HHAT: variants seen among roughly 807,000 people sequenced by gnomAD.
HHAT encodes the protein hedgehog acyltransferase, also known as protein-cysteine N-palmitoyltransferase HHAT.
A neutral mutation model predicts 70.8 loss-of-function variants in HHAT; 47 were observed. That is an observed-to-expected ratio of 0.66 (90% CI 0.53 to 0.85). The LOEUF is 0.85. Among genes scored for constraint, HHAT ranks in the 40% least tolerant of loss-of-function variants. HHAT has a pLI of 0.00. For missense variants in HHAT, 609 were observed against 604.8 expected (o/e 1.01, Z -0.07); for synonymous variants, 228 against 247.6 (o/e 0.92, Z 0.74).
chr1:210,362,244 T>C (rs2088415870), intron 2 of HHAT, among the ~76,000 whole-genome samples: 1 of 147,728 alleles, frequency 6.8e-6, no homozygotes, highest in Admixed American at 6.9e-5. Flanking sequence ...TTCTTTTTTT[T>C]TTTTTTCTTT....
chr1:210,666,830 C>T (rs1480538271), intron 11 of HHAT, among the ~76,000 whole-genome samples: 6 of 152,072 alleles, frequency 3.9e-5, no homozygotes, highest in Non-Finnish European at 5.9e-5. Flanking sequence ...CCGTGGCTCA[C>T]GCCTGTAATC....
chr1:210,401,280 A>C (rs1221638668), intron 5 of HHAT, among the ~76,000 whole-genome samples: 1 of 152,000 alleles, frequency 6.6e-6, no homozygotes, highest in East Asian at 1.9e-4. Context: ...TACCCAGTTA[A>C]TTTTTGTATT....
chr1:210,668,644 T>C (rs1041380228), intron 11 of HHAT, among the ~76,000 whole-genome samples: 1 of 152,256 alleles, frequency 6.6e-6, no homozygotes, highest in Non-Finnish European at 1.5e-5. Flanking sequence ...GTCTTGCATA[T>C]GTCTTTATTA....
At chr1:210,450,677 A>G (rs970106348) in intron 7 of HHAT, among the ~76,000 whole-genome samples, 7 of 151,656 alleles carry the variant, frequency 4.6e-5, no homozygotes, top group African/African-American at 1.5e-4. Context: ...ATGAATCTAC[A>G]TATTAAATAA....
chr1:210,449,055 C>T (rs898325889), intron 7 of HHAT, among the ~76,000 whole-genome samples: 1 of 119,196 alleles, frequency 8.4e-6, no homozygotes, highest in African/African-American at 2.9e-5. Flanking sequence ...GCATGACACA[C>T]ACAACCACCA....
intron 3 of HHAT, among the ~76,000 whole-genome samples, chr1:210,383,500 G>C (rs1342602731): frequency 6.6e-6 from 1 of 152,172 alleles, no homozygotes; most frequent in Non-Finnish European, 1.5e-5. Context: ...GGGATGAAGA[G>C]GTAGAGTACA....
intron 9 of HHAT, among the ~76,000 whole-genome samples, chr1:210,566,872 G>A (rs115650419): frequency 0.013 from 1,969 of 152,292 alleles, 54 homozygotes; most frequent in African/African-American, 0.046. Flanking sequence ...CCCTGCCCTT[G>A]CAAAAAGGAA....
At chr1:210,649,917 CAT>C (rs933805604) in intron 11 of HHAT, among the ~76,000 whole-genome samples, 9 of 152,236 alleles carry the variant, frequency 5.9e-5, no homozygotes, top group Non-Finnish European at 1.3e-4. Flanking sequence ...ATAGGCTACT[CAT>C]ATCATTTAGC....
intron 7 of HHAT, among the ~76,000 whole-genome samples, chr1:210,438,727 A>G (rs60392171): frequency 0.013 from 1,925 of 151,926 alleles, 87 homozygotes; most frequent in African/African-American, 0.043. Flanking sequence ...AAACTAGATT[A>G]TTTGCCAGTT....
chr1:210,374,045 T>G (rs779045993), intron 3 of HHAT: 1 of 152,222 alleles, frequency 6.6e-6, no homozygotes, highest in South Asian at 2.1e-4. Context: ...TTAACTGTCT[T>G]TGCAAGTTCT....
intron 11 of HHAT, among the ~76,000 whole-genome samples, chr1:210,662,363 TCTGACAAGAAGC>T: frequency 6.6e-6 from 1 of 152,316 alleles, no homozygotes; most frequent in East Asian, 1.9e-4. Flanking sequence ...GTCAGGGGTG[TCTGACAAGAAGC>T]CTGATTCGTG....
chr1:210,546,871 G>T (rs1253885276), intron 9 of HHAT, among the ~76,000 whole-genome samples: 1 of 152,138 alleles, frequency 6.6e-6, no homozygotes, highest in African/African-American at 2.4e-5. Flanking sequence ...AGCCTGGGTG[G>T]GGAAGAATGT....
chr1:210,437,077 C>G (rs1342109310), intron 7 of HHAT, among the ~76,000 whole-genome samples: 2 of 151,932 alleles, frequency 1.3e-5, no homozygotes, highest in East Asian at 1.9e-4. Flanking sequence ...AATACTGACT[C>G]TACATATTTA....
At chr1:210,537,352 G>T (rs2095384072) in intron 9 of HHAT, among the ~76,000 whole-genome samples, 1 of 152,134 alleles carries the variant, frequency 6.6e-6, no homozygotes, top group Non-Finnish European at 1.5e-5. Flanking sequence ...GCAGAAAGGT[G>T]GGCTGCCCTT....
chr1:210,539,116 C>T (rs2095403599), intron 9 of HHAT, among the ~76,000 whole-genome samples: 1 of 152,082 alleles, frequency 6.6e-6, no homozygotes. Context: ...TGTGGAGGCA[C>T]ATTCTGCTGT....
At chr1:210,579,497 A>G (rs1169962257) in intron 9 of HHAT, among the ~76,000 whole-genome samples, 2 of 150,062 alleles carry the variant, frequency 1.3e-5, no homozygotes, top group Non-Finnish European at 3.0e-5. Context: ...TGTAGATTTC[A>G]TACTGTGTTC....
chr1:210,394,643 C>A (rs1313845042), intron 4 of HHAT, among the ~76,000 whole-genome samples: 2 of 152,060 alleles, frequency 1.3e-5, no homozygotes, highest in African/African-American at 2.4e-5. Flanking sequence ...ACGGGAGAAC[C>A]CACATCATTA....
chr1:210,515,850 T>C (rs1486155646), intron 9 of HHAT, among the ~76,000 whole-genome samples: 1 of 151,614 alleles, frequency 6.6e-6, no homozygotes, highest in East Asian at 1.9e-4. Context: ...GGCAGATCAC[T>C]TGAAGCCAGG....
At chr1:210,405,474 C>A (rs1352505193) in intron 6 of HHAT, among the ~76,000 whole-genome samples, 1 of 152,090 alleles carries the variant, frequency 6.6e-6, no homozygotes, top group African/African-American at 2.4e-5. Context: ...CAAAACAATC[C>A]TCATAGAGGA....
Sources: allele counts gnomAD v4.1 joint callset (sites outside exome capture counted in the v4.1 genomes callset), GRCh38; gene constraint gnomAD v4.1.1; transcripts MANE v1.5; gene names NCBI Gene and HGNC (gene_info 2026-07-23, HGNC 2026-07-21).